ETV3: variants seen among roughly 807,000 people sequenced by gnomAD.
ETV3 encodes ETS translocation variant 3.
A neutral mutation model predicts 33.0 loss-of-function variants in ETV3; 8 were observed. The ratio of observed to expected loss-of-function variants is 0.24; its 90% CI spans 0.14 to 0.44. ETV3 has a LOEUF of 0.44. Among genes scored for constraint, ETV3 ranks in the 20% least tolerant of loss-of-function variants. The pLI is 1.00. For synonymous variants in ETV3, 222 were observed against 238.9 expected (o/e 0.93, Z 0.65); for missense variants, 473 against 652.3 (o/e 0.73, Z 2.99).
intron 4 of ETV3, chr1:157,133,600 T>C (rs1274279483): frequency 2.0e-6 from 2 of 986,648 alleles, no homozygotes; most frequent in Non-Finnish European, 2.4e-6. Context: ...TCTGAGGATT[T>C]GCTGTTGCAG....
intron 3 of ETV3, 69 bp downstream of exon 3, chr1:157,135,402 C>T: frequency 6.4e-7 from 1 of 1,559,558 alleles, no homozygotes; most frequent in Non-Finnish European, 8.8e-7. Flanking sequence ...CCCTTTTTAT[C>T]TAGCATTCAC....
At chr1:157,134,973 C>T in intron 3 of ETV3, 1 of 171,246 alleles carries the variant, frequency 5.8e-6, no homozygotes, top group South Asian at 1.3e-4. Context: ...AGTGATCAAT[C>T]TTTAGACATA....
intron 1 of ETV3, among the ~76,000 whole-genome samples, chr1:157,136,760 C>T (rs1337279901): frequency 6.6e-6 from 1 of 152,132 alleles, no homozygotes; most frequent in Non-Finnish European, 1.5e-5. Flanking sequence ...AGCCCACATG[C>T]CAAGATACAC....
chr1:157,133,692 CT>C, intron 4 of ETV3: 1 of 994,190 alleles, frequency 1.0e-6, no homozygotes, highest in Non-Finnish European at 1.2e-6. Context: ...ATGATATTCA[CT>C]TGATAAGGGA....
At chr1:157,133,693 T>C in intron 4 of ETV3, 1 of 994,582 alleles carries the variant, frequency 1.0e-6, no homozygotes, top group Non-Finnish European at 1.2e-6. Context: ...TGATATTCAC[T>C]TGATAAGGGA....
In ETV3 at chr1:157,121,239, T is replaced by A. The variant is rs543353059; in HGVS notation, c.*3602A>T. 6.6e-6 allele frequency: 1 copy of A among 152,286 alleles called. No individual in the cohort carries two copies. Among genetic ancestry groups the A allele is most frequent in the African/African-American group, 2.4e-5 (1 of 41,576 alleles). 9.4% of individuals were successfully genotyped at this position (152,286 alleles called of 1,614,324 possible). ...TAATTTCTGAGGTAAAATACTTTTT[T>A]CTTTCAACTTCCATAACAAAATACA... On this transcript the variant is annotated 3_prime_UTR_variant, in exon 5 of 5. Coordinates refer to ENST00000368192, the MANE Select transcript of ETV3 (RefSeq NM_001145312.3).
chr1:157,125,311 C>G lies in ETV3; in HGVS notation c.1069G>C (p.Glu357Gln). 6.4e-7 allele frequency: 1 copy of G among 1,552,032 alleles called. No individual in the cohort carries two copies. The highest frequency in any genetic ancestry group is 8.7e-7 in the Non-Finnish European group (1 of 1,147,098). The change falls in exon 5 of 5, where the codon GAG becomes CAG. Residue 357 changes from glutamate to glutamine, a missense_variant. Glu to Gln is a conservative substitution (Grantham distance 29, BLOSUM62 2). This residue lies in a region of ETV3 where 410 missense variants were observed against 520.2 expected (regional missense o/e 0.79). Coordinates refer to ENST00000368192, the MANE Select transcript of ETV3 (RefSeq NM_001145312.3). The surrounding 1 kb of genome is among the most constrained non-coding windows in gnomAD (Gnocchi z 4.0). Reference protein sequence around the residue: ...QPPPVGRKNRERVESSEESAP... With the variant: ...QPPPVGRKNRQRVESSEESAP... ...GACTCCTCGCTGCTCTCAACCCTCT[C>G]CCGGTTCTTCCGCCCAACTGGTGGG...
At chr1:157,129,467 G>GA (rs1467246772) in intron 4 of ETV3, among the ~76,000 whole-genome samples, 14 of 152,062 alleles carry the variant, frequency 9.2e-5, no homozygotes, top group Middle Eastern at 3.2e-3. Context: ...AATTTAAAAG[G>GA]AATTAAGTAG....
chr1:157,130,144 A>G (rs1674935193), intron 4 of ETV3, among the ~76,000 whole-genome samples: 1 of 152,136 alleles, frequency 6.6e-6, no homozygotes, highest in Non-Finnish European at 1.5e-5. Flanking sequence ...GCCGGCCCAA[A>G]ATCTAGTTTT....
intron 1 of ETV3, among the ~76,000 whole-genome samples, chr1:157,137,512 ACACAC>A (rs1558033148): frequency 2.8e-5 from 1 of 35,750 alleles, no homozygotes; most frequent in Admixed American, 3.9e-4. Context: ...AAGGAAAAAC[ACACAC>A]ACACACACAC....
rs1015004821 is a variant in ETV3, at chr1:157,121,872, G to A, written c.*2969C>T. ...GGTTTAATGCAGCTTCAAAATTAGG[G>A]TAAAGGGACTTGGTGAAATGTTTAC... On this transcript the variant is annotated 3_prime_UTR_variant, in exon 5 of 5. Coordinates refer to ENST00000368192, the MANE Select transcript of ETV3 (RefSeq NM_001145312.3). 2.6e-5 allele frequency: 4 copies of A among 152,098 alleles called. No homozygotes were observed. Among genetic ancestry groups the A allele is most frequent in the Admixed American group, 6.5e-5 (1 of 15,270 alleles). The allele number at this position is 152,098 out of a possible 1,614,324, so 9.4% of individuals were successfully genotyped here.
intron 4 of ETV3, among the ~76,000 whole-genome samples, chr1:157,127,825 G>A (rs1409228378): frequency 6.6e-6 from 1 of 152,078 alleles, no homozygotes. Flanking sequence ...GGGATTACAG[G>A]TGTGAGCCAC....
intron 4 of ETV3, chr1:157,128,695 T>C (rs16838118): frequency 0.012 from 2,141 of 172,372 alleles, 33 homozygotes; most frequent in African/African-American, 0.038. Context: ...CCTTATTTAT[T>C]GCAAAACAGA....
intron 3 of ETV3, chr1:157,135,195 C>T (rs1185002424): frequency 3.6e-6 from 2 of 561,508 alleles, no homozygotes; most frequent in Non-Finnish European, 6.3e-6. Context: ...TCACCATATA[C>T]TCTCGCCCAC....
At position 157,125,740 on chromosome 1, in the gene ETV3, C is replaced by T. The variant is rs1400222684; in HGVS notation, c.640G>A (p.Ala214Thr). 1 of 1,551,380 alleles carries T rather than the reference C, an allele frequency of 6.4e-7. No individual in the cohort carries two copies. The highest frequency in any genetic ancestry group is 1.4e-5 in the African/African-American group (1 of 72,978). The change falls in exon 5 of 5, where the codon GCC becomes ACC. Residue 214 changes from alanine to threonine, a missense_variant. Physicochemically the swap from Ala to Thr is moderately conservative, Grantham distance 58. Transcript: ENST00000368192. This position sits in a 1 kb window ranked among gnomAD's most constrained non-coding sequence, Gnocchi z 4.0. ...RGVDPVSSRN[A>T]IGGGGIGHQK... is the part of the protein sequence containing the mutation. ...TGGCCAATCCCTCCTCCACCAATGG[C>T]ATTCCTGGAGGACACGGGATCCACA...
chr1:157,129,989 G>A (rs1446866365), intron 4 of ETV3, among the ~76,000 whole-genome samples: 1 of 151,942 alleles, frequency 6.6e-6, no homozygotes, highest in Non-Finnish European at 1.5e-5. Context: ...GACTACAGGT[G>A]CGCACCACCA....
intron 1 of ETV3, among the ~76,000 whole-genome samples, chr1:157,137,562 C>A (rs1462971493): frequency 6.6e-6 from 1 of 150,754 alleles, no homozygotes; most frequent in Non-Finnish European, 1.5e-5. Flanking sequence ...ACACGAGATA[C>A]ATAATAACGA....
intron 4 of ETV3, among the ~76,000 whole-genome samples, chr1:157,129,168 T>C (rs1050566084): frequency 2.0e-5 from 3 of 152,248 alleles, no homozygotes; most frequent in Non-Finnish European, 2.9e-5. Context: ...TTAACAATAA[T>C]AGCCAATTTA....
At chr1:157,135,381 A>G (rs918707563) in intron 3 of ETV3, 90 bp downstream of exon 3, 3 of 1,467,988 alleles carry the variant, frequency 2.0e-6, no homozygotes, top group Non-Finnish European at 2.8e-6. Context: ...GTAGTCTTTT[A>G]TTACCTGATA....
Sources: allele counts gnomAD v4.1 joint callset (sites outside exome capture counted in the v4.1 genomes callset), GRCh38; gene constraint gnomAD v4.1.1; regional missense constraint gnomAD v4.1.1; non-coding constraint Gnocchi (gnomAD v3.1); transcripts MANE v1.5; gene names NCBI Gene and HGNC (gene_info 2026-07-23, HGNC 2026-07-21).